EXOC4: variants seen among roughly 807,000 people sequenced by gnomAD.
The protein encoded by EXOC4 is SEC8-like 1.
Under a neutral mutation model 107.2 loss-of-function variants are expected in EXOC4, and 71 were observed. The ratio of observed to expected loss-of-function variants is 0.66; its 90% CI spans 0.55 to 0.81. EXOC4 has a LOEUF of 0.81. Among genes scored for constraint, EXOC4 ranks in the 30% least tolerant of loss-of-function variants. The pLI, the probability that EXOC4 is intolerant of heterozygous loss-of-function variation, is 0.00. For synonymous variants in EXOC4, 456 were observed against 441.2 expected (o/e 1.03, Z -0.42); for missense variants, 1,108 against 1,189.6 (o/e 0.93, Z 1.01).
chr7:133,627,971 A>G (rs1310837540), intron 9 of EXOC4, among the ~76,000 whole-genome samples: 2 of 152,176 alleles, frequency 1.3e-5, no homozygotes, highest in African/African-American at 2.4e-5. Flanking sequence ...TGTTTTTATC[A>G]GTCGATTTCC....
intron 16 of EXOC4, 89 bp downstream of exon 16, chr7:134,005,179 G>C: frequency 7.6e-7 from 1 of 1,323,510 alleles, no homozygotes. Flanking sequence ...TTCAAGACTT[G>C]TAGAAAAGAG....
intron 15 of EXOC4, 42 bp downstream of exon 15, chr7:133,997,675 C>T (rs749510322): frequency 3.8e-6 from 6 of 1,591,798 alleles, no homozygotes; most frequent in Admixed American, 1.7e-5. Context: ...TTTGAATGCA[C>T]TGCGGTTCAT....
At chr7:133,652,704 G>GC (rs1478435709) in intron 10 of EXOC4, among the ~76,000 whole-genome samples, 1 of 152,134 alleles carries the variant, frequency 6.6e-6, no homozygotes, top group African/African-American at 2.4e-5. Context: ...GCCTTAGGTG[G>GC]CCCCCTTGGC....
chr7:133,944,342 G>C (rs575228982), intron 14 of EXOC4, among the ~76,000 whole-genome samples: 1 of 152,214 alleles, frequency 6.6e-6, no homozygotes, highest in East Asian at 1.9e-4. Flanking sequence ...GTGACCTTGA[G>C]AGTTATAGGA....
intron 1 of EXOC4, among the ~76,000 whole-genome samples, chr7:133,267,861 G>A (rs1323884830): frequency 1.3e-5 from 2 of 152,126 alleles, no homozygotes; most frequent in South Asian, 4.1e-4. Flanking sequence ...ATCCTGCATC[G>A]CACTGCTGCT....
intron 10 of EXOC4, among the ~76,000 whole-genome samples, chr7:133,810,591 CTTTGCTTTATTTTAT>C (rs1283807474): frequency 0.069 from 4,897 of 71,112 alleles, 132 homozygotes; most frequent in Admixed American, 0.11. Flanking sequence ...AAGATCCATG[CTTTGCTTTATTTTAT>C]TTTATTTTAT....
intron 11 of EXOC4, among the ~76,000 whole-genome samples, chr7:133,831,452 A>T (rs1797809283): frequency 6.6e-6 from 1 of 152,032 alleles, no homozygotes; most frequent in Admixed American, 6.6e-5. Flanking sequence ...TTTGTATTTT[A>T]TACTTGGAGT....
At chr7:133,538,857 AAGAGAGAG>A (rs1554469398) in intron 9 of EXOC4, among the ~76,000 whole-genome samples, 2 of 72,164 alleles carry the variant, frequency 2.8e-5, no homozygotes, top group African/African-American at 5.4e-5. Flanking sequence ...GAAAGAAAGA[AAGAGAGAG>A]AGAGAGAGAG....
intron 9 of EXOC4, among the ~76,000 whole-genome samples, chr7:133,588,030 G>C (rs146540631): frequency 6.6e-6 from 1 of 152,090 alleles, no homozygotes; most frequent in East Asian, 1.9e-4. Context: ...GACATTTTCT[G>C]TTTCCTGACA....
At chr7:133,717,895 C>T (rs1380328426) in intron 10 of EXOC4, among the ~76,000 whole-genome samples, 3 of 152,174 alleles carry the variant, frequency 2.0e-5, no homozygotes, top group Non-Finnish European at 4.4e-5. Flanking sequence ...AGGATCACCT[C>T]TCTTATAAAC....
intron 6 of EXOC4, among the ~76,000 whole-genome samples, chr7:133,371,674 C>A (rs1183409365): frequency 6.6e-6 from 1 of 152,062 alleles, no homozygotes; most frequent in Non-Finnish European, 1.5e-5. Context: ...TGGGTTGTTG[C>A]GCATAACACT....
chr7:133,387,814 T>G (rs954950907), intron 7 of EXOC4, among the ~76,000 whole-genome samples: 1 of 152,178 alleles, frequency 6.6e-6, no homozygotes, highest in African/African-American at 2.4e-5. Context: ...ATGTTCAGTC[T>G]GAACACAAGT....
chr7:133,847,607 A>ACTT (rs1269293936), intron 11 of EXOC4, among the ~76,000 whole-genome samples: 22 of 147,982 alleles, frequency 1.5e-4, no homozygotes, highest in Non-Finnish European at 3.1e-4. Context: ...CTGGTCTCAA[A>ACTT]CTCCTGACCT....
intron 10 of EXOC4, among the ~76,000 whole-genome samples, chr7:133,744,305 G>A (rs12707117): frequency 0.57 from 87,042 of 151,904 alleles, 25,544 homozygotes; most frequent in South Asian, 0.7. Flanking sequence ...CCTCATCACC[G>A]CTGCCCCCTT....
intron 17 of EXOC4, among the ~76,000 whole-genome samples, chr7:134,059,064 A>C (rs1795995307): frequency 6.6e-6 from 1 of 152,178 alleles, no homozygotes; most frequent in South Asian, 2.1e-4. Flanking sequence ...AATTCTACCA[A>C]GTAAAGGAAG....
chr7:133,780,834 T>C (rs1318525171), intron 10 of EXOC4, among the ~76,000 whole-genome samples: 1 of 152,216 alleles, frequency 6.6e-6, no homozygotes, highest in Non-Finnish European at 1.5e-5. Context: ...GGCACTTCCA[T>C]GGCTGCCACA....
chr7:134,043,639 A>C (rs1585346910), intron 17 of EXOC4, among the ~76,000 whole-genome samples: 3 of 152,208 alleles, frequency 2.0e-5, no homozygotes, highest in East Asian at 1.9e-4. Flanking sequence ...GTCCCTAGGA[A>C]TGTGTGACAC....
intron 7 of EXOC4, among the ~76,000 whole-genome samples, chr7:133,434,121 T>G (rs571370299): frequency 6.6e-6 from 1 of 152,304 alleles, no homozygotes; most frequent in South Asian, 2.1e-4. Flanking sequence ...TACTGTGCCT[T>G]CAGCATCATT....
intron 6 of EXOC4, among the ~76,000 whole-genome samples, chr7:133,357,019 T>C (rs1441285485): frequency 6.6e-6 from 1 of 152,172 alleles, no homozygotes; most frequent in East Asian, 1.9e-4. Context: ...CAAACTTTGA[T>C]TGGTAAAACA....
Sources: allele counts gnomAD v4.1 joint callset (sites outside exome capture counted in the v4.1 genomes callset), GRCh38; gene constraint gnomAD v4.1.1; transcripts MANE v1.5; gene names NCBI Gene and HGNC (gene_info 2026-07-23, HGNC 2026-07-21).